Variants in KLHDC10 observed in about 807,000 individuals in gnomAD.
KLHDC10 encodes kelch domain containing 10.
KLHDC10 carries 24 observed loss-of-function variants against 56.1 expected under a neutral mutation model. That is an observed-to-expected ratio of 0.43 (90% CI 0.31 to 0.60). The LOEUF is 0.60. KLHDC10 is among the 20% of genes least tolerant of loss of function. KLHDC10 has a pLI of 0.11. For missense variants in KLHDC10, 349 were observed against 567.0 expected, an observed-to-expected ratio of 0.62 and a Z score of 3.91; for synonymous variants, 188 against 207.1, an observed-to-expected ratio of 0.91 and a Z score of 0.79.
intron 2 of KLHDC10, among the ~76,000 whole-genome samples, chr7:130,103,223 A>G (rs1266218609): frequency 1.3e-5 from 2 of 152,130 alleles, no homozygotes; most frequent in Admixed American, 6.5e-5. Flanking sequence ...CAGGATTTCA[A>G]GACCAGCCTG....
At chr7:130,076,728 C>A (rs897645113) in intron 1 of KLHDC10, among the ~76,000 whole-genome samples, 4 of 152,146 alleles carry the variant, frequency 2.6e-5, no homozygotes, top group Admixed American at 2.6e-4. Flanking sequence ...CTTTGCCCTG[C>A]TGATTGAAAT....
chr7:130,086,964 C>T (rs1021363277), intron 1 of KLHDC10, among the ~76,000 whole-genome samples: 5 of 152,174 alleles, frequency 3.3e-5, no homozygotes, highest in Non-Finnish European at 7.3e-5. Context: ...ATAATATTAG[C>T]CAGGGATTTA....
intron 1 of KLHDC10, among the ~76,000 whole-genome samples, chr7:130,087,557 G>A (rs1795708112): frequency 6.6e-6 from 1 of 152,092 alleles, no homozygotes; most frequent in Non-Finnish European, 1.5e-5. Context: ...CTTTGGAGTT[G>A]AATGGTGTTT....
chr7:130,100,389 A>G (rs1339437219), intron 2 of KLHDC10, among the ~76,000 whole-genome samples: 1 of 152,196 alleles, frequency 6.6e-6, no homozygotes, highest in Admixed American at 6.5e-5. Flanking sequence ...TGTGCCTCCC[A>G]TTAGACTGTA....
intron 8 of KLHDC10, among the ~76,000 whole-genome samples, chr7:130,128,889 A>AAAAAAAT: frequency 1.5e-4 from 10 of 66,958 alleles, no homozygotes; most frequent in African/African-American, 5.1e-4. Flanking sequence ...AAAAAAAAAA[A>AAAAAAAT]ATATATATAT....
Position 130,096,511 on chromosome 7 carries a change from G to A in KLHDC10, c.167-410G>A, listed in dbSNP as rs189767027. ...TTAACCATATAATTAATATAACCTTGAAGAGAACAGGAGCCTCTGTTATGT... is the reference window on the plus strand; with the variant it reads ...TTAACCATATAATTAATATAACCTTAAAGAGAACAGGAGCCTCTGTTATGT... On this transcript the variant is annotated intron_variant, in intron 1 of 9. Transcript: ENST00000335420. Among the ~76,000 whole-genome samples the A allele has an allele frequency of 2.6e-5, 4 of 152,216 alleles. No homozygotes were observed. The East Asian group carries it at 7.7e-4, about 29-fold the overall frequency.
intron 1 of KLHDC10, among the ~76,000 whole-genome samples, chr7:130,077,802 G>T (rs1795535744): frequency 2.0e-5 from 3 of 151,670 alleles, no homozygotes; most frequent in Admixed American, 6.6e-5. Flanking sequence ...TGATCCACCG[G>T]CCTCGGCCTC....
chr7:130,099,391 A>G (rs1239054921), intron 2 of KLHDC10, among the ~76,000 whole-genome samples: 2 of 152,224 alleles, frequency 1.3e-5, no homozygotes, highest in South Asian at 2.1e-4. Flanking sequence ...TAAACAGACA[A>G]TTACAGAATA....
Position 130,120,686 on chromosome 7 carries a change from T to C in KLHDC10, c.476-63T>C. ...TGTGTAGCTTCTCAGATATTCTGGGTTTATGTGGGAACAAATTGCAGGTAG... is the reference window on the plus strand; with the variant it reads ...TGTGTAGCTTCTCAGATATTCTGGGCTTATGTGGGAACAAATTGCAGGTAG... On this transcript the variant is annotated intron_variant, in intron 3 of 9. Transcript: ENST00000335420. This position sits in a 1 kb window ranked among gnomAD's most constrained non-coding sequence, Gnocchi z 5.1. 10 of 1,571,040 alleles carry C rather than the reference T, an allele frequency of 6.4e-6. No homozygotes were observed. The highest frequency in any genetic ancestry group is 8.7e-6 in the Non-Finnish European group (10 of 1,147,278).
chr7:130,080,193 C>T (rs2116843704), intron 1 of KLHDC10, among the ~76,000 whole-genome samples: 1 of 152,242 alleles, frequency 6.6e-6, no homozygotes, highest in Non-Finnish European at 1.5e-5. Flanking sequence ...CCTCTCACCT[C>T]AGCCTCCCAA....
chr7:130,111,873 A>G (rs1044085433), intron 2 of KLHDC10, among the ~76,000 whole-genome samples: 2 of 152,214 alleles, frequency 1.3e-5, no homozygotes, highest in African/African-American at 4.8e-5. Context: ...AATGCAGATT[A>G]ACCTGACACC....
Position 130,122,207 on chromosome 7 carries a change from G to A in KLHDC10, c.779+5G>A, listed in dbSNP as rs1217395378. On this transcript the variant is annotated splice_donor_5th_base_variant and intron_variant, in intron 5 of 9. Coordinates refer to ENST00000335420, the MANE Select transcript of KLHDC10 (RefSeq NM_014997.4). ...CTGTGATCTACCAGAAGAGAGGTGA[G>A]GTTCTAGGATTCAAGCATATTTATT... is the stretch of plus-strand genomic sequence containing the variant. 4 of 1,612,480 alleles carry A rather than the reference G, an allele frequency of 2.5e-6. No homozygotes were observed. Among genetic ancestry groups the A allele is most frequent in the Admixed American group, 1.7e-5 (1 of 59,752 alleles).
At chr7:130,081,639 C>G (rs1001607310) in intron 1 of KLHDC10, among the ~76,000 whole-genome samples, 3 of 152,194 alleles carry the variant, frequency 2.0e-5, no homozygotes, top group African/African-American at 7.2e-5. Flanking sequence ...GTTAAGTCTT[C>G]TAGGTCTGTG....
At chr7:130,087,909 C>T (rs138846795) in intron 1 of KLHDC10, among the ~76,000 whole-genome samples, 2,203 of 151,658 alleles carry the variant, frequency 0.015, 48 homozygotes, top group African/African-American at 0.05. Flanking sequence ...TACAGGTGCT[C>T]GCCACCACGC....
At chr7:130,128,889 A>AAAAATATATATATATATATATATAT in intron 8 of KLHDC10, among the ~76,000 whole-genome samples, 1 of 66,954 alleles carries the variant, frequency 1.5e-5, no homozygotes, top group African/African-American at 7.3e-5. Context: ...AAAAAAAAAA[A>AAAAATATATATATATATATATATAT]ATATATATAT....
intron 2 of KLHDC10, among the ~76,000 whole-genome samples, chr7:130,114,477 G>T (rs1054865103): frequency 1.3e-5 from 2 of 152,190 alleles, no homozygotes. Flanking sequence ...TGAGGAAGCT[G>T]AGACTAAATG....
chr7:130,121,952 C>A, intron 4 of KLHDC10, 102 bp from the exon 5 acceptor site: 2 of 947,174 alleles, frequency 2.1e-6, no homozygotes, highest in Non-Finnish European at 1.5e-6. Context: ...GATTAAAATA[C>A]AAGAGAATTT....
intron 2 of KLHDC10, among the ~76,000 whole-genome samples, chr7:130,102,825 C>G (rs1017024918): frequency 2.0e-5 from 3 of 150,016 alleles, no homozygotes; most frequent in African/African-American, 4.9e-5. Flanking sequence ...GACACTGTCT[C>G]AAAAAACAAA....
chr7:130,096,890 TCTGA>T (rs999024570), intron 1 of KLHDC10, 27 bp from the exon 2 acceptor site: 14 of 1,512,356 alleles, frequency 9.3e-6, no homozygotes, highest in Non-Finnish European at 1.1e-5. Flanking sequence ...GTTGTATGTG[TCTGA>T]CTTATTGCTG....
Sources: gnomAD v4.1 joint callset for allele counts (sites outside exome capture counted in the v4.1 genomes callset) on GRCh38, gnomAD v4.1.1 for gene constraint, Gnocchi (gnomAD v3.1) non-coding constraint, MANE v1.5 for transcripts, NCBI Gene and HGNC (gene_info 2026-07-23, HGNC 2026-07-21) for gene names.